RAPGEF5: variants seen among roughly 807,000 people sequenced by gnomAD.
RAPGEF5 encodes M-Ras-regulated GEF.
A neutral mutation model predicts 125.2 loss-of-function variants in RAPGEF5; 65 were observed. The ratio of observed to expected loss-of-function variants is 0.52; its 90% CI spans 0.43 to 0.64. RAPGEF5 has a LOEUF of 0.64. Among genes scored for constraint, RAPGEF5 ranks in the 30% least tolerant of loss-of-function variants. The probability of loss-of-function intolerance (pLI) is 0.00; values close to 1 mark genes in which losing one functional copy is unlikely to be tolerated. For missense variants in RAPGEF5, 958 were observed against 1,048.1 expected, an observed-to-expected ratio of 0.91 and a Z score of 1.19; for synonymous variants, 391 against 385.9, an observed-to-expected ratio of 1.01 and a Z score of -0.16.
chr7:22,221,640 T>C (rs918748653), intron 8 of RAPGEF5, among the ~76,000 whole-genome samples: 2 of 152,048 alleles, frequency 1.3e-5, no homozygotes, highest in Admixed American at 6.6e-5. Context: ...GATCTGATGG[T>C]TTCATAAAGG....
intron 9 of RAPGEF5, among the ~76,000 whole-genome samples, chr7:22,213,101 C>CA (rs1206521611): frequency 6.6e-6 from 1 of 152,116 alleles, no homozygotes; most frequent in Non-Finnish European, 1.5e-5. Context: ...TGAGCACCGT[C>CA]AAAAAATAGC....
At chr7:22,301,955 C>T (rs1783216046) in intron 5 of RAPGEF5, among the ~76,000 whole-genome samples, 2 of 152,284 alleles carry the variant, frequency 1.3e-5, no homozygotes, top group South Asian at 4.1e-4. Context: ...TGAGCTCAAC[C>T]CCTGTTAGTC....
chr7:22,207,064 A>T (rs1004449379), intron 9 of RAPGEF5, among the ~76,000 whole-genome samples: 3 of 152,222 alleles, frequency 2.0e-5, no homozygotes, highest in Non-Finnish European at 2.9e-5. Context: ...ACATTTGAAC[A>T]AGATAGTATT....
At chr7:22,314,297 C>A (rs1416031726) in intron 3 of RAPGEF5, among the ~76,000 whole-genome samples, 1 of 152,018 alleles carries the variant, frequency 6.6e-6, no homozygotes, top group Non-Finnish European at 1.5e-5. Context: ...TGGATAGTGG[C>A]TAAATGGATA....
At chr7:22,213,202 A>G (rs1186936818) in intron 9 of RAPGEF5, among the ~76,000 whole-genome samples, 3 of 152,234 alleles carry the variant, frequency 2.0e-5, no homozygotes, top group Admixed American at 6.5e-5. Flanking sequence ...AAAACCTAAA[A>G]ATACAGCTAA....
chr7:22,353,084 A>G (rs1784359748), intron 1 of RAPGEF5, among the ~76,000 whole-genome samples: 1 of 152,330 alleles, frequency 6.6e-6, no homozygotes, highest in South Asian at 2.1e-4. Flanking sequence ...TTGAACCTAT[A>G]TCTAATCAAA....
chr7:22,162,333 A>AGGT, intron 13 of RAPGEF5, 64 bp downstream of exon 13: 1 of 1,461,816 alleles, frequency 6.8e-7, no homozygotes, highest in East Asian at 2.3e-5. Context: ...AGATTTTTAA[A>AGGT]ATGCATAACT....
In RAPGEF5 at chr7:22,194,106, G is replaced by C. The variant is rs1032545054; in HGVS notation, c.997-73C>G. 1.6e-5 allele frequency: 21 copies of C among 1,297,524 alleles called. No individual in the cohort carries two copies. The Admixed American group carries it at 2.3e-4, about 14-fold the overall frequency. 80.4% of individuals were successfully genotyped at this position (1,297,524 alleles called of 1,614,324 possible). A position where few individuals can be genotyped will look rare whatever the true frequency, so the allele number is the denominator to read the frequency against. Reference sequence around the variant, plus strand: ...GAAAATTAAAAGTGGGGGGAAAATGGAGCTAACTCAAGCTGTATTTTCTAG... The same window carrying C: ...GAAAATTAAAAGTGGGGGGAAAATGCAGCTAACTCAAGCTGTATTTTCTAG... On this transcript the variant is annotated intron_variant, in intron 9 of 25. Transcript: ENST00000665637.
intron 17 of RAPGEF5, among the ~76,000 whole-genome samples, chr7:22,153,227 C>G (rs924344598): frequency 6.6e-6 from 1 of 152,100 alleles, no homozygotes; most frequent in Admixed American, 6.5e-5. Context: ...GAGGTGGATG[C>G]TTAAGCTTAA....
chr7:22,323,867 C>T (rs1364432355), intron 1 of RAPGEF5, among the ~76,000 whole-genome samples: 1 of 152,076 alleles, frequency 6.6e-6, no homozygotes, highest in Non-Finnish European at 1.5e-5. Flanking sequence ...ACAGCCCTTC[C>T]TCATGGGATT....
At chr7:22,178,590 T>A (rs1784581192) in intron 11 of RAPGEF5, among the ~76,000 whole-genome samples, 1 of 152,212 alleles carries the variant, frequency 6.6e-6, no homozygotes. Context: ...ATAAAGGAGA[T>A]GAAGATGAAC....
chr7:22,251,995 T>A (rs1211878999), intron 7 of RAPGEF5, among the ~76,000 whole-genome samples: 1 of 152,090 alleles, frequency 6.6e-6, no homozygotes, highest in Non-Finnish European at 1.5e-5. Flanking sequence ...GGTACACTCA[T>A]TATGCTCATC....
At chr7:22,182,259 G>GAGAGAGAGAAACACAGAA (rs1784696738) in intron 11 of RAPGEF5, among the ~76,000 whole-genome samples, 3 of 152,278 alleles carry the variant, frequency 2.0e-5, no homozygotes, top group African/African-American at 7.2e-5. Context: ...CAAGATCTCT[G>GAGAGAGAGAAACACAGAA]AGAGAGAGAA....
At chr7:22,342,811 A>G (rs1461491061) in intron 1 of RAPGEF5, among the ~76,000 whole-genome samples, 3 of 152,186 alleles carry the variant, frequency 2.0e-5, no homozygotes, top group East Asian at 3.8e-4. Context: ...CCTGGACTTT[A>G]TTGTCCATAT....
intron 20 of RAPGEF5, among the ~76,000 whole-genome samples, chr7:22,144,207 C>T (rs1211598890): frequency 6.6e-6 from 1 of 152,198 alleles, no homozygotes; most frequent in Non-Finnish European, 1.5e-5. Context: ...TTACCAAGGT[C>T]TGTACCACGC....
intron 24 of RAPGEF5, among the ~76,000 whole-genome samples, chr7:22,127,195 C>G (rs562480869): frequency 1.3e-5 from 2 of 151,952 alleles, no homozygotes; most frequent in South Asian, 4.2e-4. Context: ...CATGCCACCA[C>G]ACCCAGCTAA....
At chr7:22,269,977 G>A (rs999167688) in intron 6 of RAPGEF5, among the ~76,000 whole-genome samples, 20 of 152,288 alleles carry the variant, frequency 1.3e-4, no homozygotes, top group East Asian at 1.2e-3. Flanking sequence ...GCAGAGCCCC[G>A]GAGGAGAACA....
At chr7:22,206,987 A>G (rs1785412160) in intron 9 of RAPGEF5, among the ~76,000 whole-genome samples, 1 of 152,180 alleles carries the variant, frequency 6.6e-6, no homozygotes, top group Admixed American at 6.6e-5. Context: ...GAGAAAAATA[A>G]ATTACTTACA....
At chr7:22,318,470 A>G (rs1196767451) in intron 1 of RAPGEF5, among the ~76,000 whole-genome samples, 3 of 152,048 alleles carry the variant, frequency 2.0e-5, no homozygotes, top group African/African-American at 7.2e-5. Flanking sequence ...CCTTCAAACC[A>G]CAACTAAGCA....
Sources: gnomAD v4.1 joint callset for allele counts (sites outside exome capture counted in the v4.1 genomes callset) on GRCh38, gnomAD v4.1.1 for gene constraint, MANE v1.5 for transcripts, NCBI Gene and HGNC (gene_info 2026-07-23, HGNC 2026-07-21) for gene names.